NCAPD2: variants seen among roughly 807,000 people sequenced by gnomAD.
The protein encoded by NCAPD2 is non-SMC condensin I complex subunit D2.
Under a neutral mutation model 164.5 loss-of-function variants are expected in NCAPD2, and 100 were observed. That is an observed-to-expected ratio of 0.61 (90% CI 0.52 to 0.72). The LOEUF is 0.72. Among genes scored for constraint, NCAPD2 ranks in the 30% least tolerant of loss-of-function variants. The pLI is 0.00. For missense variants in NCAPD2, 1,560 were observed against 1,749.2 expected, an observed-to-expected ratio of 0.89 and a Z score of 1.93; for synonymous variants, 585 against 642.6, an observed-to-expected ratio of 0.91 and a Z score of 1.36.
chr12:6,530,021 C>G, intron 29 of NCAPD2, 63 bp downstream of exon 29: 1 of 1,545,144 alleles, frequency 6.5e-7, no homozygotes, highest in African/African-American at 1.4e-5. Context: ...ATCTGCCGGC[C>G]CTGGGCAGCA....
chr12:6,506,041 C>T (rs569178696), intron 2 of NCAPD2, among the ~76,000 whole-genome samples: 4 of 152,064 alleles, frequency 2.6e-5, no homozygotes, highest in East Asian at 1.9e-4. Flanking sequence ...TCACTGCAGC[C>T]TCAGCTTCCT....
intron 9 of NCAPD2, 53 bp from the exon 10 acceptor site, chr12:6,516,775 A>C (rs942438659): frequency 6.3e-7 from 1 of 1,580,486 alleles, no homozygotes; most frequent in African/African-American, 1.3e-5. Flanking sequence ...GCCAAGCACA[A>C]GCAAGCTTCG....
At chr12:6,530,073 C>A in intron 29 of NCAPD2, 115 bp downstream of exon 29, 3 of 1,196,462 alleles carry the variant, frequency 2.5e-6, no homozygotes, top group Non-Finnish European at 3.4e-6. Context: ...TTATCCCCAG[C>A]TGGGTTGCAA....
chr12:6,497,403 T>A (rs1945994262), intron 2 of NCAPD2, among the ~76,000 whole-genome samples: 1 of 151,970 alleles, frequency 6.6e-6, no homozygotes, highest in African/African-American at 2.4e-5. Context: ...ATCACCTGGG[T>A]ATTAAGCCCA....
rs770586366 is a variant in NCAPD2, at chr12:6,517,669, G to A, written c.1394G>A (p.Arg465Gln). The change falls in exon 12 of 32, where the codon CGA becomes CAA. Residue 465 changes from arginine to glutamine, a missense_variant. Transcript: ENST00000315579. ...QKLQEMRAQR[R>Q]TAAASAVLDP... is the part of the protein sequence containing the mutation. Reference sequence around the variant, plus strand: ...TTACAAGAGATGAGGGCCCAGAGGCGAACTGCAGCAGCTTGTAAGTAGTTA... The same window carrying A: ...TTACAAGAGATGAGGGCCCAGAGGCAAACTGCAGCAGCTTGTAAGTAGTTA... 45 of 1,614,104 alleles carry A rather than the reference G, an allele frequency of 2.8e-5. No homozygotes were observed. Among genetic ancestry groups the A allele is most frequent in the Admixed American group, 5.0e-5 (3 of 60,004 alleles).
intron 13 of NCAPD2, 155 bp from the exon 14 acceptor site, chr12:6,520,831 C>A: frequency 1.2e-6 from 1 of 863,412 alleles, no homozygotes. Flanking sequence ...TGAGCCCTAC[C>A]CCTTAGTAGG....
At chr12:6,518,510 T>TGTTTTTTGTTTTTTG in intron 13 of NCAPD2, among the ~76,000 whole-genome samples, 2 of 50,298 alleles carry the variant, frequency 4.0e-5, no homozygotes, top group South Asian at 1.0e-3. Flanking sequence ...ACAAGTTTTT[T>TGTTTTTTGTTTTTTG]TTTTTTTTTT....
chr12:6,495,985 G>A (rs946348612), intron 2 of NCAPD2, among the ~76,000 whole-genome samples: 5 of 151,966 alleles, frequency 3.3e-5, no homozygotes, highest in African/African-American at 9.7e-5. Flanking sequence ...GCAGCAGCTC[G>A]ACAATATGGT....
chr12:6,524,980 CTG>C (rs1433543170), intron 17 of NCAPD2, among the ~76,000 whole-genome samples: 1 of 152,140 alleles, frequency 6.6e-6, no homozygotes, highest in African/African-American at 2.4e-5. Flanking sequence ...CACCTGCAAA[CTG>C]GGGTGCAACA....
chr12:6,518,973 C>T (rs1424556625), intron 13 of NCAPD2, among the ~76,000 whole-genome samples: 2 of 151,350 alleles, frequency 1.3e-5, no homozygotes, highest in African/African-American at 4.9e-5. Flanking sequence ...GCAACCTCCA[C>T]CTCCTGGGTT....
rs765876034 is a variant in NCAPD2, at chr12:6,529,916, AG to A, written c.3796del (p.Val1266LeufsTer2). The A allele has an allele frequency of 6.2e-7, 1 of 1,614,160 alleles. No individual in the cohort carries two copies. The highest frequency in any genetic ancestry group is 8.5e-7 in the Non-Finnish European group (1 of 1,180,002). ...AGTCCATCTTCAGTGCTTTTTTGTC[AG>A]TTGTAGGCAAGCTGCGACGTGGGGC... is the stretch of plus-strand genomic sequence containing the variant. ...DESIFSAFLS[V>X]VGKLRRGAKP... is the part of the protein sequence containing the mutation. On this transcript the variant is annotated frameshift_variant, in exon 29 of 32. Transcript: ENST00000315579. LOFTEE classifies it high-confidence loss of function.
At chr12:6,496,330 G>C (rs1014931760) in intron 2 of NCAPD2, among the ~76,000 whole-genome samples, 3 of 152,110 alleles carry the variant, frequency 2.0e-5, no homozygotes, top group Non-Finnish European at 4.4e-5. Flanking sequence ...AAAGTGTTAG[G>C]ATTATAGGCG....
In NCAPD2 at chr12:6,516,967, T is replaced by C; in HGVS notation, c.1127T>C (p.Val376Ala). The C allele has an allele frequency of 6.2e-7, 1 of 1,614,170 alleles. No homozygotes were observed. The highest frequency in any genetic ancestry group is 8.5e-7 in the Non-Finnish European group (1 of 1,180,026). The change falls in exon 10 of 32, where the codon GTC becomes GCC. Residue 376 changes from valine to alanine, a missense_variant. By Grantham distance (64) the Val-to-Ala change is moderately conservative. Transcript: ENST00000315579. ...ACTTTACAAGCCCATGGCCATGATG[T>C]CAACTCCTTTGTGCGGAGCCGTGTT... ...LDTLQAHGHD[V>A]NSFVRSRVLQ...
intron 13 of NCAPD2, among the ~76,000 whole-genome samples, chr12:6,518,520 T>TTTTTTTTTTTTTTTTTTC (rs1946231966): frequency 8.8e-6 from 1 of 113,982 alleles, no homozygotes; most frequent in Non-Finnish European, 1.7e-5. Flanking sequence ...TTTTTTTTTT[T>TTTTTTTTTTTTTTTTTTC]TTTTTTTTTT....
chr12:6,510,624 C>G lies in NCAPD2; in HGVS notation c.263-5C>G. ...AAACTGACTCCAAGATTCTGCCCCT[C>G]ACAGTGGTATCCCGCCACTCCCAGG... On this transcript the variant is annotated splice_region_variant and splice_polypyrimidine_tract_variant and intron_variant, in intron 4 of 31. Transcript: ENST00000315579. The G allele has an allele frequency of 6.2e-7, 1 of 1,614,076 alleles. No individual in the cohort carries two copies. Among genetic ancestry groups the G allele is most frequent in the South Asian group, 1.1e-5 (1 of 91,044 alleles).
chr12:6,514,728 A>G (rs1946183278), intron 8 of NCAPD2, 45 bp from the exon 9 acceptor site: 1 of 1,610,770 alleles, frequency 6.2e-7, no homozygotes, highest in Non-Finnish European at 8.5e-7. Flanking sequence ...TGGGAACTGA[A>G]TAATTGATCT....
At chr12:6,530,643 G>A (rs769462700) in intron 29 of NCAPD2, 48 bp from the exon 30 acceptor site, 14 of 1,607,954 alleles carry the variant, frequency 8.7e-6, no homozygotes, top group Non-Finnish European at 1.2e-5. Context: ...TTTTTAATCA[G>A]AAGTAACTGT....
At chr12:6,520,207 T>TAC (rs1565544697) in intron 13 of NCAPD2, among the ~76,000 whole-genome samples, 1 of 150,582 alleles carries the variant, frequency 6.6e-6, no homozygotes, top group African/African-American at 2.4e-5. Context: ...TATATATATA[T>TAC]ACACATATAT....
rs1334228087 is a variant in NCAPD2, at chr12:6,516,811, A to G, written c.988-17A>G. ...CCTTGACTAAAGGTTTGACCCCTCT[A>G]TGCTTCTCTCTCTTAGAATTACATG... On this transcript the variant is annotated splice_polypyrimidine_tract_variant and intron_variant, in intron 9 of 31. Coordinates refer to ENST00000315579, the MANE Select transcript of NCAPD2 (RefSeq NM_014865.4). 6 of 1,613,642 alleles carry G rather than the reference A, an allele frequency of 3.7e-6. No homozygotes were observed. Among genetic ancestry groups the G allele is most frequent in the African/African-American group, 1.3e-5 (1 of 75,014 alleles).
Sources: gnomAD v4.1 joint callset for allele counts (sites outside exome capture counted in the v4.1 genomes callset) on GRCh38, gnomAD v4.1.1 for gene constraint, MANE v1.5 for transcripts, NCBI Gene and HGNC (gene_info 2026-07-23, HGNC 2026-07-21) for gene names.